Variants in HS6ST3 observed in about 807,000 individuals in gnomAD.
The protein encoded by HS6ST3 is heparan sulfate 6-O-sulfotransferase 3, also known as heparan-sulfate 6-O-sulfotransferase 3.
A neutral mutation model predicts 36.7 loss-of-function variants in HS6ST3; 12 were observed. The ratio of observed to expected loss-of-function variants is 0.33; its 90% CI spans 0.21 to 0.53. The LOEUF (loss-of-function observed/expected upper bound fraction) is 0.53, where lower values mean the gene tolerates loss of function less well. HS6ST3 is among the 20% of genes least tolerant of loss of function. HS6ST3 has a pLI of 0.95. For synonymous variants in HS6ST3, 240 were observed against 257.5 expected (o/e 0.93, Z 0.65); for missense variants, 584 against 640.9 (o/e 0.91, Z 0.96).
At chr13:96,563,412 A>G (rs906746942) in intron 1 of HS6ST3, among the ~76,000 whole-genome samples, 4 of 152,276 alleles carry the variant, frequency 2.6e-5, no homozygotes, top group African/African-American at 4.8e-5. Flanking sequence ...TTTTTCTTGG[A>G]CAGTTCTTAT....
intron 1 of HS6ST3, among the ~76,000 whole-genome samples, chr13:96,515,252 C>G (rs1220992954): frequency 6.6e-6 from 1 of 152,092 alleles, no homozygotes; most frequent in Non-Finnish European, 1.5e-5. Flanking sequence ...CTTGTTATTC[C>G]TTTATGAGAA....
intron 1 of HS6ST3, among the ~76,000 whole-genome samples, chr13:96,644,486 T>G (rs2056581126): frequency 6.6e-6 from 1 of 151,988 alleles, no homozygotes; most frequent in African/African-American, 2.4e-5. Context: ...GCAATAAACC[T>G]TAGTCTTGTT....
intron 1 of HS6ST3, among the ~76,000 whole-genome samples, chr13:96,441,662 A>C (rs2055672063): frequency 6.6e-6 from 1 of 152,342 alleles, no homozygotes; most frequent in East Asian, 1.9e-4. Flanking sequence ...GTGAGATATT[A>C]CATCCATAAA....
At chr13:96,462,672 A>T (rs1046103431) in intron 1 of HS6ST3, among the ~76,000 whole-genome samples, 1 of 152,220 alleles carries the variant, frequency 6.6e-6, no homozygotes, top group Non-Finnish European at 1.5e-5. Context: ...CAAAACTGTC[A>T]TTGTTTAAAG....
rs1594864665 is a variant in HS6ST3, at chr13:96,805,675, A to G, written c.708-26815A>G. On this transcript the variant is annotated intron_variant, in intron 1 of 1. Coordinates refer to ENST00000376705, the MANE Select transcript of HS6ST3 (RefSeq NM_153456.4). ...TTTATTATTTCCATCTTTCAAGTAA[A>G]GAAACCAAGACTTGACCATGCAATT... Among the ~76,000 whole-genome samples, 4 of 152,320 alleles carry G rather than the reference A, an allele frequency of 2.6e-5. No homozygotes were observed. In the South Asian group the frequency reaches 6.2e-4, roughly 24 times the overall value.
At chr13:96,636,425 G>A (rs1270530778) in intron 1 of HS6ST3, among the ~76,000 whole-genome samples, 1 of 152,122 alleles carries the variant, frequency 6.6e-6, no homozygotes, top group Non-Finnish European at 1.5e-5. Flanking sequence ...CCCACACAGG[G>A]CTGAGAGGAG....
At chr13:96,180,538 T>A (rs1001571255) in intron 1 of HS6ST3, among the ~76,000 whole-genome samples, 4 of 21,960 alleles carry the variant, frequency 1.8e-4, no homozygotes, top group Non-Finnish European at 4.7e-4. Context: ...TTTATTAAAC[T>A]TTTCAGCGTT....
At chr13:96,134,364 T>A (rs1161507131) in intron 1 of HS6ST3, among the ~76,000 whole-genome samples, 1 of 152,050 alleles carries the variant, frequency 6.6e-6, no homozygotes, top group African/African-American at 2.4e-5. Context: ...TGTTATTTTT[T>A]TACCCCCTCT....
chr13:96,398,770 C>G (rs1233638674), intron 1 of HS6ST3, among the ~76,000 whole-genome samples: 1 of 152,180 alleles, frequency 6.6e-6, no homozygotes, highest in African/African-American at 2.4e-5. Context: ...CGGGAAAGGA[C>G]AGAAGCGCTG....
chr13:96,272,071 G>A (rs777037068), intron 1 of HS6ST3, among the ~76,000 whole-genome samples: 6 of 151,968 alleles, frequency 3.9e-5, no homozygotes, highest in Non-Finnish European at 8.8e-5. Flanking sequence ...CTGTAACACA[G>A]CCATTGTAAA....
At chr13:96,266,764 A>G (rs2054694394) in intron 1 of HS6ST3, among the ~76,000 whole-genome samples, 1 of 152,188 alleles carries the variant, frequency 6.6e-6, no homozygotes, top group Non-Finnish European at 1.5e-5. Flanking sequence ...TCATTCATGC[A>G]ACAAGTGCTT....
At chr13:96,629,782 T>C (rs1195581239) in intron 1 of HS6ST3, among the ~76,000 whole-genome samples, 1 of 152,168 alleles carries the variant, frequency 6.6e-6, no homozygotes, top group Non-Finnish European at 1.5e-5. Context: ...TCTTTCAAAA[T>C]TGTTGAAAAA....
chr13:96,722,125 G>A (rs1323025800), intron 1 of HS6ST3, among the ~76,000 whole-genome samples: 1 of 152,098 alleles, frequency 6.6e-6, no homozygotes, highest in Non-Finnish European at 1.5e-5. Flanking sequence ...AACTAGCCAG[G>A]CGTGCTGGTG....
chr13:96,347,868 T>C (rs548823731), intron 1 of HS6ST3, among the ~76,000 whole-genome samples: 4 of 152,332 alleles, frequency 2.6e-5, no homozygotes, highest in African/African-American at 9.6e-5. Context: ...GCTCTGTGCT[T>C]TCATTCCAGA....
chr13:96,507,735 G>A (rs1038404636), intron 1 of HS6ST3, among the ~76,000 whole-genome samples: 1 of 151,990 alleles, frequency 6.6e-6, no homozygotes, highest in African/African-American at 2.4e-5. Flanking sequence ...AAAAAGACAA[G>A]GAAAGTGAGC....
At chr13:96,253,385 A>T (rs972981232) in intron 1 of HS6ST3, among the ~76,000 whole-genome samples, 1 of 152,156 alleles carries the variant, frequency 6.6e-6, no homozygotes, top group Non-Finnish European at 1.5e-5. Context: ...GGAAGAAATC[A>T]TGGGCCAAGG....
At chr13:96,458,693 G>A (rs4771950) in intron 1 of HS6ST3, among the ~76,000 whole-genome samples, 93,922 of 151,664 alleles carry the variant, frequency 0.62, 32,261 homozygotes, top group South Asian at 0.79. Context: ...TGAAATTCAT[G>A]GATCATATGT....
At chr13:96,521,328 C>T (rs1346277251) in intron 1 of HS6ST3, among the ~76,000 whole-genome samples, 3 of 152,098 alleles carry the variant, frequency 2.0e-5, no homozygotes, top group Non-Finnish European at 4.4e-5. Context: ...TGTGGCGTGT[C>T]TGCCAGGCTT....
At chr13:96,241,848 C>T (rs545373142) in intron 1 of HS6ST3, among the ~76,000 whole-genome samples, 4 of 142,788 alleles carry the variant, frequency 2.8e-5, no homozygotes, top group Admixed American at 2.2e-4. Flanking sequence ...TGCAGTGGTG[C>T]GATCTATGCT....
Sources: gnomAD v4.1 joint callset for allele counts (sites outside exome capture counted in the v4.1 genomes callset) on GRCh38, gnomAD v4.1.1 for gene constraint, MANE v1.5 for transcripts, NCBI Gene and HGNC (gene_info 2026-07-23, HGNC 2026-07-21) for gene names.